PCDH9: variants seen among roughly 807,000 people sequenced by gnomAD.
PCDH9 encodes the protein protocadherin-9.
Under a neutral mutation model 70.6 loss-of-function variants are expected in PCDH9, and 24 were observed. That is an observed-to-expected ratio of 0.34 (90% CI 0.25 to 0.48). The LOEUF is 0.48. Among genes scored for constraint, PCDH9 ranks in the 20% least tolerant of loss-of-function variants. The pLI is 0.99. For synonymous variants in PCDH9, 562 were observed against 558.5 expected, an observed-to-expected ratio of 1.01 and a Z score of -0.09; for missense variants, 1,281 against 1,503.6, an observed-to-expected ratio of 0.85 and a Z score of 2.45.
chr13:66,960,959 T>C (rs2083336377), intron 2 of PCDH9, among the ~76,000 whole-genome samples: 1 of 152,182 alleles, frequency 6.6e-6, no homozygotes, highest in South Asian at 2.1e-4. Flanking sequence ...ATTGGTCATC[T>C]CTGAAAAGTA....
At chr13:66,469,594 A>G (rs1476787927) in intron 4 of PCDH9, among the ~76,000 whole-genome samples, 1 of 152,126 alleles carries the variant, frequency 6.6e-6, no homozygotes, top group Non-Finnish European at 1.5e-5. Flanking sequence ...TCCACGACCC[A>G]GTAGATATTG....
At chr13:66,600,629 T>C (rs2077153855) in intron 4 of PCDH9, among the ~76,000 whole-genome samples, 1 of 149,192 alleles carries the variant, frequency 6.7e-6, no homozygotes. Flanking sequence ...GTCATATCTG[T>C]TTTGTGCTTT....
chr13:66,624,442 G>A (rs1050065650), intron 4 of PCDH9, among the ~76,000 whole-genome samples: 3 of 152,136 alleles, frequency 2.0e-5, no homozygotes, highest in African/African-American at 4.8e-5. Flanking sequence ...TCATTTGTAG[G>A]GCAGTTGATT....
At chr13:66,992,150 ACAT>A (rs1447724080) in intron 2 of PCDH9, among the ~76,000 whole-genome samples, 1 of 152,186 alleles carries the variant, frequency 6.6e-6, no homozygotes, top group Admixed American at 6.6e-5. Context: ...AGCAGTGAGC[ACAT>A]TATAACCAGA....
intron 2 of PCDH9, among the ~76,000 whole-genome samples, chr13:66,944,114 T>C (rs1043808720): frequency 6.6e-6 from 1 of 152,176 alleles, no homozygotes; most frequent in Non-Finnish European, 1.5e-5. Flanking sequence ...GTGCAAGGCA[T>C]ATGTAGATTA....
intron 2 of PCDH9, among the ~76,000 whole-genome samples, chr13:66,919,208 T>C (rs1800910762): frequency 6.6e-6 from 1 of 151,210 alleles, no homozygotes; most frequent in African/African-American, 2.4e-5. Context: ...AGTGATGACA[T>C]CCAAAGTTAC....
At chr13:67,137,016 T>C (rs1229839652) in intron 2 of PCDH9, among the ~76,000 whole-genome samples, 1 of 152,010 alleles carries the variant, frequency 6.6e-6, no homozygotes, top group Non-Finnish European at 1.5e-5. Context: ...TCATAAATCA[T>C]TATGTAAATG....
chr13:67,067,949 C>T (rs957275515), intron 2 of PCDH9, among the ~76,000 whole-genome samples: 2 of 152,046 alleles, frequency 1.3e-5, no homozygotes, highest in East Asian at 1.9e-4. Context: ...TTATTACTTG[C>T]ATTTGGTTAG....
intron 3 of PCDH9, among the ~76,000 whole-genome samples, chr13:66,651,401 A>G (rs1181319456): frequency 6.6e-6 from 1 of 152,004 alleles, no homozygotes; most frequent in Non-Finnish European, 1.5e-5. Context: ...TGGAAAACCT[A>G]GAGGAAATGA....
intron 4 of PCDH9, among the ~76,000 whole-genome samples, chr13:66,557,320 A>C (rs898386894): frequency 2.0e-5 from 3 of 152,228 alleles, no homozygotes; most frequent in Non-Finnish European, 2.9e-5. Flanking sequence ...TGATTAATTC[A>C]AATAGAGATC....
intron 4 of PCDH9, among the ~76,000 whole-genome samples, chr13:66,380,953 G>A (rs1270773719): frequency 6.6e-6 from 1 of 152,148 alleles, no homozygotes; most frequent in Non-Finnish European, 1.5e-5. Flanking sequence ...TTAAGTTGAA[G>A]TAATACGCGT....
chr13:66,953,730 A>AT (rs2083222515), intron 2 of PCDH9, among the ~76,000 whole-genome samples: 1 of 152,170 alleles, frequency 6.6e-6, no homozygotes, highest in Admixed American at 6.6e-5. Flanking sequence ...AGCATGTGGT[A>AT]TATGTGTGAA....
intron 2 of PCDH9, among the ~76,000 whole-genome samples, chr13:66,954,022 A>G (rs1386328570): frequency 6.6e-6 from 1 of 152,200 alleles, no homozygotes; most frequent in Admixed American, 6.5e-5. Flanking sequence ...AGGTAGCTAA[A>G]TTTATCCAGC....
intron 3 of PCDH9, among the ~76,000 whole-genome samples, chr13:66,730,858 G>GT (rs71106995): frequency 2.1e-5 from 1 of 46,660 alleles, no homozygotes; most frequent in Non-Finnish European, 4.6e-5. Context: ...TTTTGTTTTT[G>GT]TTTTTTTGTG....
At chr13:66,374,737 G>A (rs1381516503) in intron 4 of PCDH9, among the ~76,000 whole-genome samples, 1 of 151,950 alleles carries the variant, frequency 6.6e-6, no homozygotes, top group Non-Finnish European at 1.5e-5. Flanking sequence ...CAGAAAGATC[G>A]CAGCTCAGGG....
intron 4 of PCDH9, among the ~76,000 whole-genome samples, chr13:66,502,718 A>C (rs1428686598): frequency 6.6e-6 from 1 of 152,206 alleles, no homozygotes. Context: ...TAATAGGGTA[A>C]AAATCCCACT....
chr13:66,375,437 A>T (rs1200076575), intron 4 of PCDH9, among the ~76,000 whole-genome samples: 2 of 152,200 alleles, frequency 1.3e-5, no homozygotes, highest in East Asian at 1.9e-4. Context: ...AGAAAAAAAA[A>T]CTTGTAGTAT....
intron 3 of PCDH9, among the ~76,000 whole-genome samples, chr13:66,723,404 G>C (rs568974099): frequency 6.6e-6 from 1 of 152,110 alleles, no homozygotes; most frequent in South Asian, 2.1e-4. Flanking sequence ...TTTCAACAGG[G>C]CATAGCATTA....
chr13:66,557,737 A>C (rs1348280516), intron 4 of PCDH9, among the ~76,000 whole-genome samples: 1 of 152,228 alleles, frequency 6.6e-6, no homozygotes, highest in Non-Finnish European at 1.5e-5. Flanking sequence ...CTGAAGGAGA[A>C]GATGTGCTAA....
Sources: gnomAD v4.1 joint callset for allele counts (sites outside exome capture counted in the v4.1 genomes callset) on GRCh38, gnomAD v4.1.1 for gene constraint, MANE v1.5 for transcripts, NCBI Gene and HGNC (gene_info 2026-07-23, HGNC 2026-07-21) for gene names.